The following STAG1 variants were observed in gnomAD, a reference collection of about 807,000 sequenced individuals.
STAG1 encodes the protein cohesin subunit SA-1.
A neutral mutation model predicts 170.9 loss-of-function variants in STAG1; 26 were observed. That is an observed-to-expected ratio of 0.15 (90% CI 0.11 to 0.21). STAG1 has a LOEUF of 0.21. STAG1 is among the 10% of genes least tolerant of loss of function. STAG1 has a pLI of 1.00. For synonymous variants in STAG1, 514 were observed against 497.7 expected (o/e 1.03, Z -0.44); for missense variants, 964 against 1,509.5 (o/e 0.64, Z 5.99).
At chr3:136,727,730 C>G (rs1000902122) in intron 1 of STAG1, among the ~76,000 whole-genome samples, 1 of 152,140 alleles carries the variant, frequency 6.6e-6, no homozygotes, top group South Asian at 2.1e-4. Flanking sequence ...CAACTCATCA[C>G]AAAATGACCT....
chr3:136,716,996 C>T (rs1559968982), intron 1 of STAG1, among the ~76,000 whole-genome samples: 1 of 152,358 alleles, frequency 6.6e-6, no homozygotes, highest in Admixed American at 6.5e-5. Flanking sequence ...ATACCACCAT[C>T]ATTGTCACAG....
chr3:136,720,997 C>T (rs535684400), intron 1 of STAG1, among the ~76,000 whole-genome samples: 3 of 152,158 alleles, frequency 2.0e-5, no homozygotes, highest in Non-Finnish European at 4.4e-5. Flanking sequence ...TTTACAGAAG[C>T]ACATGATGCT....
chr3:136,691,923 T>C (rs1474630506), intron 1 of STAG1, among the ~76,000 whole-genome samples: 1 of 152,146 alleles, frequency 6.6e-6, no homozygotes, highest in African/African-American at 2.4e-5. Flanking sequence ...TTCAGTACAG[T>C]CCTGAGGCAT....
chr3:136,564,847 A>G (rs1381897079), intron 5 of STAG1, among the ~76,000 whole-genome samples: 1 of 151,876 alleles, frequency 6.6e-6, no homozygotes, highest in African/African-American at 2.4e-5. Flanking sequence ...CAGCCTAAAT[A>G]TAAAATATAA....
chr3:136,655,747 G>A (rs1027427332), intron 1 of STAG1, among the ~76,000 whole-genome samples: 2 of 151,752 alleles, frequency 1.3e-5, no homozygotes, highest in Admixed American at 6.6e-5. Flanking sequence ...CTGGGTGGCA[G>A]GGTAAGACTC....
intron 4 of STAG1, among the ~76,000 whole-genome samples, 198 bp downstream of exon 4, chr3:136,604,111 A>G (rs940520630): frequency 7.2e-5 from 11 of 152,200 alleles, no homozygotes; most frequent in African/African-American, 2.7e-4. Flanking sequence ...CAATTTAAAC[A>G]AAAGTACATC....
chr3:136,699,266 A>G (rs1942980012), intron 1 of STAG1, among the ~76,000 whole-genome samples: 2 of 152,190 alleles, frequency 1.3e-5, no homozygotes, highest in Admixed American at 6.6e-5. Context: ...AGCCTACTTA[A>G]TTTTATAGGA....
At chr3:136,370,146 T>C (rs1367883234) in intron 23 of STAG1, among the ~76,000 whole-genome samples, 1 of 151,994 alleles carries the variant, frequency 6.6e-6, no homozygotes, top group East Asian at 1.9e-4. Context: ...TACTCCTACT[T>C]ATGAAAAAAA....
At position 136,736,392 on chromosome 3, in the gene STAG1, T is replaced by C. The variant is rs981725401; in HGVS notation, c.-84+15803A>G. ...TTGAAAAAATGGACTGAAAAGCAAA[T>C]ACTACTCTATGTTGGGGTGGAAGTG... is the stretch of plus-strand genomic sequence containing the variant. On this transcript the variant is annotated intron_variant, in intron 1 of 33. Coordinates refer to ENST00000383202, the MANE Select transcript of STAG1 (RefSeq NM_005862.3). 1.6e-4 allele frequency: 136 copies of C among 827,850 alleles called. 1 individual carries two copies. The highest frequency in any genetic ancestry group is 7.1e-4 in the South Asian group (48 of 67,190). The allele number at this position is 827,850 out of a possible 1,614,324, so 51.3% of individuals were successfully genotyped here. A position where few individuals can be genotyped will look rare whatever the true frequency, so the allele number is the denominator to read the frequency against.
chr3:136,432,972 T>C (rs913089841), intron 16 of STAG1, among the ~76,000 whole-genome samples: 11 of 152,114 alleles, frequency 7.2e-5, no homozygotes, highest in Non-Finnish European at 1.0e-4. Context: ...TATTTCCCAA[T>C]GTGTGTTTTT....
At chr3:136,638,940 T>C (rs1222149781) in intron 1 of STAG1, among the ~76,000 whole-genome samples, 3 of 151,978 alleles carry the variant, frequency 2.0e-5, no homozygotes, top group Non-Finnish European at 4.4e-5. Context: ...ATTGATTGGA[T>C]TGCTCTAAAT....
intron 5 of STAG1, among the ~76,000 whole-genome samples, chr3:136,559,902 T>C (rs868202300): frequency 2.0e-5 from 3 of 152,230 alleles, no homozygotes; most frequent in Non-Finnish European, 4.4e-5. Context: ...CTGCAGTTAT[T>C]TGAGACATGA....
At chr3:136,562,180 C>T (rs781576944) in intron 5 of STAG1, among the ~76,000 whole-genome samples, 2 of 152,166 alleles carry the variant, frequency 1.3e-5, no homozygotes, top group Non-Finnish European at 2.9e-5. Context: ...GTCCTTTATG[C>T]CAAAAGAAAT....
At chr3:136,388,249 G>T (rs1382930998) in intron 22 of STAG1, among the ~76,000 whole-genome samples, 2 of 152,120 alleles carry the variant, frequency 1.3e-5, no homozygotes, top group East Asian at 3.9e-4. Flanking sequence ...GAAGTACCTT[G>T]CTTATCTTGC....
At chr3:136,614,824 C>A (rs1328316417) in intron 3 of STAG1, among the ~76,000 whole-genome samples, 1 of 151,322 alleles carries the variant, frequency 6.6e-6, no homozygotes, top group Non-Finnish European at 1.5e-5. Context: ...AACCTTTGTG[C>A]CTTATCTGGC....
At chr3:136,338,607 A>AT (rs1400044498) in intron 32 of STAG1, among the ~76,000 whole-genome samples, 157 bp from the exon 33 acceptor site, 2 of 152,254 alleles carry the variant, frequency 1.3e-5, no homozygotes, top group African/African-American at 4.8e-5. Flanking sequence ...TATGAAATAG[A>AT]TTTTTTAAAA....
Position 136,429,223 on chromosome 3 carries a change from G to A in STAG1, c.1650+4333C>T, listed in dbSNP as rs143458985. On this transcript the variant is annotated intron_variant, in intron 16 of 33. Coordinates refer to ENST00000383202, the MANE Select transcript of STAG1 (RefSeq NM_005862.3). The stretch of plus-strand genomic sequence containing the variant: ...GGAGTTCGAGACCAGCCTGGCCAAC[G>A]TGGCGAAACCCTGTGTCTACTAAAA... Among the ~76,000 whole-genome samples the A allele has an allele frequency of 6.5e-3, 984 of 152,190 alleles. 13 individuals are homozygous for A. The highest frequency in any genetic ancestry group is 5.3e-3 in the Non-Finnish European group (360 of 68,008).
intron 28 of STAG1, among the ~76,000 whole-genome samples, chr3:136,349,800 C>T (rs999924700): frequency 1.3e-5 from 2 of 152,050 alleles, no homozygotes; most frequent in African/African-American, 4.8e-5. Context: ...TATAAAATAC[C>T]GTAATTTAAA....
At chr3:136,736,582 T>C (rs558864989) in intron 1 of STAG1, 2 of 1,540,188 alleles carry the variant, frequency 1.3e-6, no homozygotes, top group African/African-American at 1.4e-5. Context: ...GCTTGGAAGT[T>C]TCGCCAGCTG....
Sources: allele counts gnomAD v4.1 joint callset (sites outside exome capture counted in the v4.1 genomes callset), GRCh38; gene constraint gnomAD v4.1.1; transcripts MANE v1.5; gene names NCBI Gene and HGNC (gene_info 2026-07-23, HGNC 2026-07-21).